Variants in SHANK2 observed in about 807,000 individuals in gnomAD.
SHANK2 encodes the protein SH3 and multiple ankyrin repeat domains protein 2.
In SHANK2, 43 loss-of-function variants were observed where a neutral mutation model predicts 133.7. The observed-to-expected ratio is 0.32, with a 90% CI of 0.25 to 0.41. The LOEUF (loss-of-function observed/expected upper bound fraction) is 0.41, where lower values mean the gene tolerates loss of function less well. Among genes scored for constraint, SHANK2 ranks in the 10% least tolerant of loss-of-function variants. SHANK2 has a pLI of 1.00. For missense variants in SHANK2, 1,994 were observed against 2,235.8 expected (o/e 0.89, Z 2.18); for synonymous variants, 1,017 against 952.8 (o/e 1.07, Z -1.24).
chr11:70,629,457 C>G (rs11604023), intron 17 of SHANK2, among the ~76,000 whole-genome samples: 10 of 152,162 alleles, frequency 6.6e-5, no homozygotes, highest in Non-Finnish European at 1.3e-4. Context: ...GTGGGACACA[C>G]GGACGTCCAG....
chr11:70,643,567 GAA>G (rs536391581), intron 17 of SHANK2, among the ~76,000 whole-genome samples: 1,419 of 92,288 alleles, frequency 0.015, 18 homozygotes, highest in African/African-American at 0.034. Context: ...CTCCGTCTCG[GAA>G]AAAAAAAAAA....
chr11:70,634,213 C>T (rs897347683), intron 17 of SHANK2: 20 of 151,708 alleles, frequency 1.3e-4, no homozygotes, highest in African/African-American at 4.8e-4. Context: ...GGGACAGTGA[C>T]ACTGGGGCCC....
intron 17 of SHANK2, among the ~76,000 whole-genome samples, chr11:70,562,100 A>G (rs1402480834): frequency 6.6e-6 from 1 of 151,844 alleles, no homozygotes; most frequent in African/African-American, 2.4e-5. Context: ...TATCTGGGGG[A>G]TTTTCTAGAG....
At chr11:70,893,832 G>A (rs1391192775) in intron 11 of SHANK2, among the ~76,000 whole-genome samples, 2 of 152,120 alleles carry the variant, frequency 1.3e-5, no homozygotes, top group Non-Finnish European at 2.9e-5. Context: ...GCAGGACTGG[G>A]GATTTTACAA....
In SHANK2 at chr11:70,646,833, A is replaced by ATTTAT. The variant is rs1565210650; in HGVS notation, c.2061+12990_2061+12994dup. ...AAGGAATCTAACTTTTATTTATTTT[A>ATTTAT]TTTATTTATTTATTTATTTATTTAT... On this transcript the variant is annotated intron_variant, in intron 17 of 25. Transcript: ENST00000601538. 2.8e-3 allele frequency among the ~76,000 whole-genome samples: 264 copies of ATTTAT among 93,932 alleles called. 2 individuals are homozygous for ATTTAT. The highest frequency in any genetic ancestry group is 0.01 in the African/African-American group (242 of 23,870). The allele number at this position is 93,932 out of a possible 152,430, so 61.6% of individuals were successfully genotyped here.
At chr11:70,557,703 C>T (rs1461447821) in intron 17 of SHANK2, among the ~76,000 whole-genome samples, 1 of 152,178 alleles carries the variant, frequency 6.6e-6, no homozygotes, top group Non-Finnish European at 1.5e-5. Context: ...AAGCAGAAAG[C>T]CCCCTGACCT....
Position 70,501,585 on chromosome 11 carries a change from C to T in SHANK2, c.2287+338G>A, listed in dbSNP as rs530796310. On this transcript the variant is annotated intron_variant, in intron 20 of 25. Transcript: ENST00000601538. ...TGTCCCTGGCTCCATGGTGACTCCC[C>T]GGAACAAACAGGATCCTGCATGGCC... Among the ~76,000 whole-genome samples the T allele has an allele frequency of 4.6e-5, 7 of 152,346 alleles. No homozygotes were observed. The South Asian group carries it at 6.2e-4, about 14-fold the overall frequency.
At chr11:70,915,002 T>G (rs1555079650) in intron 10 of SHANK2, among the ~76,000 whole-genome samples, 2 of 152,100 alleles carry the variant, frequency 1.3e-5, no homozygotes, top group African/African-American at 4.8e-5. Flanking sequence ...CACCATTCAC[T>G]TTGGAAATGC....
chr11:70,557,764 C>T (rs2059852234), intron 17 of SHANK2, among the ~76,000 whole-genome samples: 1 of 152,154 alleles, frequency 6.6e-6, no homozygotes, highest in Admixed American at 6.5e-5. Context: ...CCAGTGATCC[C>T]GAGGAGGCTG....
chr11:70,747,911 G>T (rs868993044), intron 14 of SHANK2, among the ~76,000 whole-genome samples: 2 of 152,198 alleles, frequency 1.3e-5, no homozygotes, highest in Non-Finnish European at 2.9e-5. Context: ...ATGAGCATAC[G>T]TGTATGTGCA....
chr11:70,663,394 G>A (rs986432625), intron 15 of SHANK2, among the ~76,000 whole-genome samples: 7 of 152,114 alleles, frequency 4.6e-5, no homozygotes, highest in Admixed American at 2.0e-4. Flanking sequence ...GACAAGGGAC[G>A]AGCAGCGGCC....
chr11:71,239,774 C>A (rs1954865813), intron 1 of SHANK2, among the ~76,000 whole-genome samples: 1 of 152,184 alleles, frequency 6.6e-6, no homozygotes, highest in South Asian at 2.1e-4. Flanking sequence ...CATACCTGGC[C>A]AAGAAGTCAT....
chr11:70,614,672 C>T (rs1385256373), intron 17 of SHANK2, among the ~76,000 whole-genome samples: 1 of 152,216 alleles, frequency 6.6e-6, no homozygotes, highest in East Asian at 1.9e-4. Context: ...CAGGCCCTTC[C>T]TTCATCCCAT....
At chr11:71,142,132 A>C (rs1466767480) in intron 3 of SHANK2, among the ~76,000 whole-genome samples, 1 of 152,236 alleles carries the variant, frequency 6.6e-6, no homozygotes, top group East Asian at 1.9e-4. Flanking sequence ...TCAAAGGAGC[A>C]TGACTACAGT....
intron 10 of SHANK2, among the ~76,000 whole-genome samples, chr11:70,935,592 C>T (rs1555083329): frequency 6.6e-6 from 1 of 152,124 alleles, no homozygotes; most frequent in Non-Finnish European, 1.5e-5. Context: ...TCTATTCTGG[C>T]CTGGACATGA....
At chr11:70,521,860 A>G (rs782647871) in intron 17 of SHANK2, among the ~76,000 whole-genome samples, 24 of 152,202 alleles carry the variant, frequency 1.6e-4, no homozygotes, top group Non-Finnish European at 3.1e-4. Context: ...CTGCAGCCAC[A>G]TGTCCTCGCT....
At chr11:70,519,265 T>A (rs142865416) in intron 17 of SHANK2, among the ~76,000 whole-genome samples, 1 of 152,284 alleles carries the variant, frequency 6.6e-6, no homozygotes, top group East Asian at 1.9e-4. Flanking sequence ...TGAGGCACAG[T>A]GTATGTGAGA....
At chr11:71,189,744 T>C (rs1953752018) in intron 2 of SHANK2, among the ~76,000 whole-genome samples, 1 of 152,230 alleles carries the variant, frequency 6.6e-6, no homozygotes, top group South Asian at 2.1e-4. Flanking sequence ...ACAAGCTCTG[T>C]ATCTGAGGCC....
chr11:70,654,772 G>GT (rs576038066), intron 17 of SHANK2, among the ~76,000 whole-genome samples: 2,968 of 119,500 alleles, frequency 0.025, 84 homozygotes, highest in African/African-American at 0.073. Context: ...TGTTTTTTTT[G>GT]TTTTTTTTTT....
Sources: allele counts gnomAD v4.1 joint callset (sites outside exome capture counted in the v4.1 genomes callset), GRCh38; gene constraint gnomAD v4.1.1; transcripts MANE v1.5; gene names NCBI Gene and HGNC (gene_info 2026-07-23, HGNC 2026-07-21).